DLC1: variants seen among roughly 807,000 people sequenced by gnomAD.
DLC1 encodes rho GTPase-activating protein 7.
A neutral mutation model predicts 140.3 loss-of-function variants in DLC1; 54 were observed. The observed-to-expected ratio is 0.38, with a 90% confidence interval of 0.31 to 0.48. The LOEUF (loss-of-function observed/expected upper bound fraction) is 0.48. Ranked by LOEUF, DLC1 falls within the 20% of genes least tolerant of loss-of-function variation. The pLI is 0.96. For missense variants in DLC1, 2,536 were observed against 1,907.0 expected (o/e 1.33, Z -6.14); for synonymous variants, 986 against 728.1 (o/e 1.35, Z -5.70).
intron 2 of DLC1, among the ~76,000 whole-genome samples, chr8:13,471,869 A>G (rs1800225185): frequency 6.6e-6 from 1 of 152,188 alleles, no homozygotes; most frequent in African/African-American, 2.4e-5. Context: ...ACTGGGTGAC[A>G]TCAGCCTGGG....
rs1817449909 is a variant in DLC1 at position 13,085,135 on chromosome 8, T to A, written c.*676A>T. On this transcript the variant is annotated 3_prime_UTR_variant, in exon 18 of 18. Coordinates refer to ENST00000276297, the MANE Select transcript of DLC1 (RefSeq NM_182643.3). The stretch of plus-strand genomic sequence containing the variant: ...ATTACAATCAAAGTACAGAAGAGGT[T>A]CGTGGAAAAGGAATATGCTTAATAA... 1 of 152,122 alleles carries A rather than the reference T, an allele frequency of 6.6e-6. No homozygotes were observed. Among genetic ancestry groups the A allele is most frequent in the Non-Finnish European group, 1.5e-5 (1 of 68,016 alleles). 9.4% of individuals were successfully genotyped at this position (152,122 alleles called of 1,614,324 possible).
chr8:13,599,170 C>G (rs1021191481), intron 1 of DLC1, among the ~76,000 whole-genome samples: 3 of 151,720 alleles, frequency 2.0e-5, no homozygotes, highest in Non-Finnish European at 4.4e-5. Flanking sequence ...ATACCCCTGA[C>G]ATGTGTGAAT....
intron 5 of DLC1, among the ~76,000 whole-genome samples, chr8:13,200,655 C>A (rs140809735): frequency 2.6e-5 from 4 of 151,632 alleles, no homozygotes; most frequent in Admixed American, 1.3e-4. Context: ...CCCAGGCTGG[C>A]CTGCAGTAGT....
At chr8:13,492,319 CTT>C (rs1801290286) in intron 2 of DLC1, among the ~76,000 whole-genome samples, 1 of 152,084 alleles carries the variant, frequency 6.6e-6, no homozygotes, top group Non-Finnish European at 1.5e-5. Flanking sequence ...TTCCCTGTCT[CTT>C]TGCTAAACTC....
intron 5 of DLC1, among the ~76,000 whole-genome samples, chr8:13,283,263 C>T (rs940838096): frequency 2.0e-5 from 3 of 151,360 alleles, no homozygotes; most frequent in Admixed American, 6.6e-5. Flanking sequence ...ATTTGCAGGT[C>T]GACTTCTGTG....
intron 5 of DLC1, among the ~76,000 whole-genome samples, chr8:13,120,063 T>C (rs999763181): frequency 6.6e-6 from 1 of 151,752 alleles, no homozygotes; most frequent in Admixed American, 6.6e-5. Flanking sequence ...ATGTAACAGC[T>C]TGGGCATGGT....
At chr8:13,471,752 G>A (rs1277293268) in intron 2 of DLC1, among the ~76,000 whole-genome samples, 1 of 151,954 alleles carries the variant, frequency 6.6e-6, no homozygotes, top group Non-Finnish European at 1.5e-5. Context: ...GAGAAAGAGA[G>A]AAAGAGAAAA....
chr8:13,237,306 A>C, intron 5 of DLC1, among the ~76,000 whole-genome samples: 1 of 148,342 alleles, frequency 6.7e-6, no homozygotes, highest in East Asian at 2.0e-4. Flanking sequence ...TAAATCATAT[A>C]TACATATATA....
In DLC1 at chr8:13,545,171, CA is replaced by C. The variant is rs540591772; in HGVS notation, c.-125-44976del. ...TTTATGAACAAAATATTTGAGTTCACAAAAGAACTAACATTGCATTTAAAAT... is the reference window on the plus strand; with the variant it reads ...TTTATGAACAAAATATTTGAGTTCACAAAGAACTAACATTGCATTTAAAAT... On this transcript the variant is annotated intron_variant, in intron 1 of 1. Coordinates refer to the DLC1 transcript ENST00000631382. 6.3e-4 allele frequency among the ~76,000 whole-genome samples: 95 copies of C among 151,892 alleles called. 2 individuals are homozygous for C. The South Asian group carries it at 0.019, about 30-fold the overall frequency.
intron 2 of DLC1, among the ~76,000 whole-genome samples, chr8:13,407,661 C>T (rs966671661): frequency 6.6e-6 from 1 of 152,168 alleles, no homozygotes; most frequent in African/African-American, 2.4e-5. Flanking sequence ...ACGGTGGCAT[C>T]ACATAGTCAT....
chr8:13,305,927 A>G (rs578028185), intron 4 of DLC1, among the ~76,000 whole-genome samples: 1 of 152,300 alleles, frequency 6.6e-6, no homozygotes, highest in Non-Finnish European at 1.5e-5. Flanking sequence ...TTCTGGTCCT[A>G]TTTTTGGGAG....
Position 13,305,437 on chromosome 8 carries a change from A to G in DLC1, c.1315-135T>C, listed in dbSNP as rs17128724. On this transcript the variant is annotated intron_variant, in intron 4 of 17. Transcript: ENST00000276297. ...CCAATAGAAAAATTAGCATTTTGGAACTATCAGTAAAATCACTAGAGCTGT... is the reference window on the plus strand; with the variant it reads ...CCAATAGAAAAATTAGCATTTTGGAGCTATCAGTAAAATCACTAGAGCTGT... 67,297 of 846,160 alleles carry G rather than the reference A, an allele frequency of 0.08. 5,184 individuals carry two copies. Among genetic ancestry groups the G allele is most frequent in the East Asian group, 0.39 (14,252 of 36,632 alleles). The allele number at this position is 846,160 out of a possible 1,614,324, so 52.4% of individuals were successfully genotyped here. A position where few individuals can be genotyped will look rare whatever the true frequency, so the allele number is the denominator to read the frequency against.
rs111497731 is a variant in DLC1, at chr8:13,182,924, C to G, written c.1349-67267G>C. Among the ~76,000 whole-genome samples, 270 of 152,292 alleles carry G rather than the reference C, an allele frequency of 1.8e-3. 1 individual carries two copies. Among genetic ancestry groups the G allele is most frequent in the African/African-American group, 6.1e-3 (255 of 41,556 alleles). On this transcript the variant is annotated intron_variant, in intron 5 of 17. Transcript: ENST00000276297. ...TTAGCTTGGGCAGTATGGCCATTTT[C>G]AGGATATTGATTCTTCCTATCCATG...
intron 4 of DLC1, among the ~76,000 whole-genome samples, chr8:13,315,757 A>T (rs1832840163): frequency 1.3e-5 from 2 of 152,120 alleles, no homozygotes; most frequent in African/African-American, 4.8e-5. Context: ...GGTGACCTGG[A>T]TGGAGACAGG....
At position 13,499,403 on chromosome 8, in the gene DLC1, T is replaced by A. The variant is rs745966958; in HGVS notation, c.669A>T (p.Lys223Asn). ...CAATTACAGCAGAGTTAAGCAATTG[T>A]TTCTCAGGTGCAATATCTTTCACGT... Reference protein sequence around the residue: ...TLNVKDIAPEKQLLNSAVIAQ... With the variant: ...TLNVKDIAPENQLLNSAVIAQ... The change falls in exon 2 of 18, where the codon AAA becomes AAT. Residue 223 changes from lysine to asparagine, a missense_variant. Physicochemically the swap from Lys to Asn is moderately conservative, Grantham distance 94. Coordinates refer to ENST00000276297, the MANE Select transcript of DLC1 (RefSeq NM_182643.3). The A allele has an allele frequency of 6.2e-7, 1 of 1,613,812 alleles. No individual in the cohort carries two copies. Among genetic ancestry groups the A allele is most frequent in the Non-Finnish European group, 8.5e-7 (1 of 1,179,948 alleles).
intron 1 of DLC1, among the ~76,000 whole-genome samples, chr8:13,528,910 A>T (rs1433242534): frequency 6.6e-6 from 1 of 152,174 alleles, no homozygotes; most frequent in Non-Finnish European, 1.5e-5. Context: ...AGCCAATCTG[A>T]TGAGGCTGAA....
At chr8:13,154,543 T>TGCCA (rs1364114641) in intron 5 of DLC1, among the ~76,000 whole-genome samples, 1 of 151,974 alleles carries the variant, frequency 6.6e-6, no homozygotes, top group African/African-American at 2.4e-5. Context: ...GGCCCACGAG[T>TGCCA]GCCAGTGCGC....
chr8:13,569,505 G>C (rs1007533262), intron 1 of DLC1, among the ~76,000 whole-genome samples: 1 of 151,966 alleles, frequency 6.6e-6, no homozygotes, highest in Non-Finnish European at 1.5e-5. Context: ...ATATATTCAT[G>C]TTTTACATAA....
intron 4 of DLC1, among the ~76,000 whole-genome samples, chr8:13,368,914 C>G (rs1255184688): frequency 6.6e-6 from 1 of 152,122 alleles, no homozygotes; most frequent in Non-Finnish European, 1.5e-5. Context: ...ACCTCTGCCT[C>G]CTGGTTTCAA....
Sources: gnomAD v4.1 joint callset for allele counts (sites outside exome capture counted in the v4.1 genomes callset) on GRCh38, gnomAD v4.1.1 for gene constraint, MANE v1.5 for transcripts, NCBI Gene and HGNC (gene_info 2026-07-23, HGNC 2026-07-21) for gene names.